Variants in RGS5 observed in about 807,000 individuals in gnomAD.
RGS5 encodes the protein regulator of G-protein signalling 5.
Under a neutral mutation model 18.9 loss-of-function variants are expected in RGS5, and 20 were observed. That is an observed-to-expected ratio of 1.06 (90% CI 0.74 to 1.54). RGS5 has a LOEUF of 1.54. Ranked by LOEUF, RGS5 falls within the 40% of genes most tolerant of loss-of-function variation. RGS5 has a pLI of 0.00. For missense variants in RGS5, 201 were observed against 211.8 expected (o/e 0.95, Z 0.32); for synonymous variants, 57 against 76.2 (o/e 0.75, Z 1.31).
chr1:163,306,704 T>C (rs912064597), intron 1 of RGS5, among the ~76,000 whole-genome samples: 2 of 152,188 alleles, frequency 1.3e-5, no homozygotes, highest in African/African-American at 4.8e-5. Context: ...TAATATAATA[T>C]GACCAATGTC....
At chr1:163,285,752 T>C (rs2101721917) in intron 2 of RGS5, among the ~76,000 whole-genome samples, 1 of 151,976 alleles carries the variant, frequency 6.6e-6, no homozygotes, top group East Asian at 1.9e-4. Context: ...TCTGGTTGTT[T>C]GAAAGTTTGT....
intron 1 of RGS5, among the ~76,000 whole-genome samples, chr1:163,202,335 G>A (rs1006592923): frequency 6.6e-6 from 1 of 152,108 alleles, no homozygotes; most frequent in South Asian, 2.1e-4. Context: ...CTCATAACCA[G>A]CCTGTGAGGT....
At chr1:163,149,359 A>G (rs1314261335) in intron 4 of RGS5, among the ~76,000 whole-genome samples, 1 of 152,200 alleles carries the variant, frequency 6.6e-6, no homozygotes, top group African/African-American at 2.4e-5. Flanking sequence ...TATATTAAGT[A>G]TATATCTGTA....
chr1:163,277,911 T>G lies in RGS5; in HGVS notation c.-281+28322A>C, dbSNP rs567312703. Among the ~76,000 whole-genome samples the G allele has an allele frequency of 1.5e-4, 23 of 152,114 alleles. No homozygotes were observed. In the East Asian group the frequency reaches 1.9e-3, roughly 13 times the overall value. ...ATAATTGATAGCTTCAACAATAGAC[T>G]AGATCAAGCAATAGAAAGAATTCCT... On this transcript the variant is annotated intron_variant, in intron 2 of 5. Transcript: ENST00000618415.
At chr1:163,209,029 A>T (rs144761082) in intron 1 of RGS5, among the ~76,000 whole-genome samples, 3 of 152,356 alleles carry the variant, frequency 2.0e-5, no homozygotes, top group African/African-American at 7.2e-5. Context: ...AAATTAGGAT[A>T]TAACAATTCA....
rs543920028 is a variant in RGS5, at chr1:163,158,293, G to T, written c.217+3622C>A. On this transcript the variant is annotated intron_variant, in intron 3 of 4. Transcript: ENST00000313961. ...ACAGCCAGACAGAGAGAAGCAAAGG[G>T]CAAAGACAGAGTGGCAAGAGAGACA... 2.6e-5 allele frequency among the ~76,000 whole-genome samples: 4 copies of T among 152,224 alleles called. No individual in the cohort carries two copies. The East Asian group carries it at 7.7e-4, about 29-fold the overall frequency.
chr1:163,240,320 A>G (rs1457876677), intron 2 of RGS5, among the ~76,000 whole-genome samples: 1 of 152,150 alleles, frequency 6.6e-6, no homozygotes, highest in Non-Finnish European at 1.5e-5. Flanking sequence ...CAAAAACATA[A>G]ATAAGTCTCA....
Position 163,147,420 on chromosome 1 carries a change from T to C in RGS5, c.468A>G (p.Lys156=). The C allele has an allele frequency of 2.5e-6, 4 of 1,613,338 alleles. No homozygotes were observed. Among genetic ancestry groups the C allele is most frequent in the Non-Finnish European group, 3.4e-6 (4 of 1,179,586 alleles). Residue 156 remains lysine (K), a synonymous_variant, in exon 5 of 5, where the codon AAA becomes AAG. Coordinates refer to ENST00000313961, the MANE Select transcript of RGS5 (RefSeq NM_003617.4). ...PSLSSFDMAQ[K]RIHALMEKDS... is the part of the protein sequence containing the mutation. ...CCTTTTCCATCAGGGCATGGATTCTTTTCTGGGCCATGTCAAAGCTGCTCA... is the reference window on the plus strand; with the variant it reads ...CCTTTTCCATCAGGGCATGGATTCTCTTCTGGGCCATGTCAAAGCTGCTCA...
chr1:163,143,377 A>C lies in RGS5; in HGVS notation c.*3965T>G, dbSNP rs967373150. 11 of 152,194 alleles carry C rather than the reference A, an allele frequency of 7.2e-5. No homozygotes were observed. Among genetic ancestry groups the C allele is most frequent in the African/African-American group, 2.2e-4 (9 of 41,456 alleles). The allele number at this position is 152,194 out of a possible 1,614,324, so 9.4% of individuals were successfully genotyped here. ...TTTCGATGCTTGGATGTTGGAGATTACATTTTCTATTCTCTGCTTTCTGGC... is the reference window on the plus strand; with the variant it reads ...TTTCGATGCTTGGATGTTGGAGATTCCATTTTCTATTCTCTGCTTTCTGGC... On this transcript the variant is annotated 3_prime_UTR_variant, in exon 5 of 5. Transcript: ENST00000313961.
intron 2 of RGS5, among the ~76,000 whole-genome samples, chr1:163,303,270 G>T (rs1649611936): frequency 6.6e-6 from 1 of 152,048 alleles, no homozygotes; most frequent in Non-Finnish European, 1.5e-5. Context: ...CTCTTATCAA[G>T]TAGTTTTTAA....
intron 2 of RGS5, among the ~76,000 whole-genome samples, chr1:163,244,174 C>T (rs1282622328): frequency 6.6e-6 from 1 of 152,158 alleles, no homozygotes; most frequent in Non-Finnish European, 1.5e-5. Context: ...TAACTGGAAA[C>T]AGCTTGAGGT....
chr1:163,186,232 G>A (rs949282558), intron 1 of RGS5, among the ~76,000 whole-genome samples: 7 of 151,764 alleles, frequency 4.6e-5, no homozygotes, highest in East Asian at 1.9e-4. Context: ...CACCACGCCT[G>A]GCTAATTTTT....
intron 1 of RGS5, among the ~76,000 whole-genome samples, chr1:163,210,156 AT>A (rs35823395): frequency 1.2e-4 from 18 of 149,336 alleles, no homozygotes; most frequent in East Asian, 4.0e-4. Flanking sequence ...CGCCCAACTA[AT>A]TTTTTTTTTC....
At chr1:163,160,368 G>C (rs963777465) in intron 3 of RGS5, among the ~76,000 whole-genome samples, 1 of 152,152 alleles carries the variant, frequency 6.6e-6, no homozygotes. Flanking sequence ...AAGACAATAA[G>C]TCCATTAATA....
chr1:163,194,804 A>G (rs888347157), intron 1 of RGS5, among the ~76,000 whole-genome samples: 1 of 152,172 alleles, frequency 6.6e-6, no homozygotes, highest in Admixed American at 6.5e-5. Context: ...TTCTTACCGG[A>G]TATTCAATGA....
At chr1:163,169,844 C>T (rs952218370) in intron 1 of RGS5, among the ~76,000 whole-genome samples, 8 of 152,132 alleles carry the variant, frequency 5.3e-5, no homozygotes, top group African/African-American at 1.7e-4. Flanking sequence ...CCATTGTTCT[C>T]TATGGCTGTC....
At chr1:163,277,730 C>T (rs549305013) in intron 2 of RGS5, among the ~76,000 whole-genome samples, 5 of 152,108 alleles carry the variant, frequency 3.3e-5, no homozygotes, top group African/African-American at 4.8e-5. Flanking sequence ...TTTGAATCAA[C>T]GGGGGTCCAA....
chr1:163,232,118 G>C (rs1267164795), intron 2 of RGS5, among the ~76,000 whole-genome samples: 2 of 152,102 alleles, frequency 1.3e-5, no homozygotes, highest in Non-Finnish European at 2.9e-5. Context: ...AGATGGCGGG[G>C]GTGGGGAAGG....
chr1:163,185,720 T>A (rs2102420987), intron 1 of RGS5, among the ~76,000 whole-genome samples: 1 of 152,338 alleles, frequency 6.6e-6, no homozygotes, highest in South Asian at 2.1e-4. Context: ...TGAAGATAAC[T>A]AAGAAAAAGC....
Sources: allele counts gnomAD v4.1 joint callset (sites outside exome capture counted in the v4.1 genomes callset), GRCh38; gene constraint gnomAD v4.1.1; transcripts MANE v1.5; gene names NCBI Gene and HGNC (gene_info 2026-07-23, HGNC 2026-07-21).